Variants in TMTC2 observed in about 807,000 individuals in gnomAD.
TMTC2 encodes the protein protein O-mannosyl-transferase TMTC2.
Under a neutral mutation model 82.4 loss-of-function variants are expected in TMTC2, and 43 were observed. The ratio of observed to expected loss-of-function variants is 0.52; its 90% CI spans 0.41 to 0.67. The LOEUF (loss-of-function observed/expected upper bound fraction) is 0.67. TMTC2 is among the 30% of genes least tolerant of loss of function. TMTC2 has a pLI of 0.00. For synonymous variants in TMTC2, 408 were observed against 381.9 expected, an observed-to-expected ratio of 1.07 and a Z score of -0.80; for missense variants, 919 against 1,012.4, an observed-to-expected ratio of 0.91 and a Z score of 1.25.
At chr12:83,005,959 T>C (rs1296281451) in intron 8 of TMTC2, among the ~76,000 whole-genome samples, 4 of 152,188 alleles carry the variant, frequency 2.6e-5, no homozygotes, top group South Asian at 2.1e-4. Context: ...TATTACCATA[T>C]TTTGTTGCAG....
At chr12:82,899,846 G>A (rs1024401937) in intron 3 of TMTC2, among the ~76,000 whole-genome samples, 7 of 142,066 alleles carry the variant, frequency 4.9e-5, no homozygotes, top group East Asian at 4.1e-4. Flanking sequence ...ATACATATCC[G>A]GAATATAGAT....
chr12:82,926,449 G>A (rs765981508), intron 3 of TMTC2, among the ~76,000 whole-genome samples: 2 of 152,224 alleles, frequency 1.3e-5, no homozygotes, highest in South Asian at 4.1e-4. Context: ...GCTTCATTAG[G>A]TTGAAGGAAA....
intron 2 of TMTC2, among the ~76,000 whole-genome samples, chr12:82,858,359 C>T (rs1871363006): frequency 6.6e-6 from 1 of 152,232 alleles, no homozygotes; most frequent in South Asian, 2.1e-4. Context: ...CCCATCTCCC[C>T]ATCCTCCTTC....
At chr12:82,869,008 A>T (rs945975590) in intron 2 of TMTC2, among the ~76,000 whole-genome samples, 21 of 152,160 alleles carry the variant, frequency 1.4e-4, no homozygotes, top group African/African-American at 5.1e-4. Context: ...TTTTTACAGA[A>T]TCCTATATCT....
intron 1 of TMTC2, among the ~76,000 whole-genome samples, chr12:82,798,050 G>A (rs1211244447): frequency 6.8e-6 from 1 of 147,188 alleles, no homozygotes; most frequent in Admixed American, 6.9e-5. Flanking sequence ...CCATTCTCCT[G>A]CCTCACACCA....
At chr12:83,117,620 C>G (rs1884805068) in intron 11 of TMTC2, among the ~76,000 whole-genome samples, 1 of 152,026 alleles carries the variant, frequency 6.6e-6, no homozygotes. Context: ...TTTGCTTTGT[C>G]TTGCTTTGGC....
intron 2 of TMTC2, among the ~76,000 whole-genome samples, chr12:82,886,505 A>G (rs925939624): frequency 1.3e-5 from 2 of 152,214 alleles, no homozygotes; most frequent in Non-Finnish European, 2.9e-5. Flanking sequence ...TATGGGTTTA[A>G]GTGAACAAAA....
At chr12:82,748,764 C>T (rs1436734964) in intron 1 of TMTC2, among the ~76,000 whole-genome samples, 5 of 152,152 alleles carry the variant, frequency 3.3e-5, no homozygotes, top group Non-Finnish European at 7.3e-5. Context: ...GTAATCCCAG[C>T]TACTTGTGAG....
chr12:82,801,489 C>T (rs978457907), intron 1 of TMTC2, among the ~76,000 whole-genome samples: 29 of 152,120 alleles, frequency 1.9e-4, no homozygotes, highest in African/African-American at 7.0e-4. Context: ...CTGGCCCCAC[C>T]CACATCCTGC....
At chr12:82,802,330 C>A (rs528807408) in intron 1 of TMTC2, among the ~76,000 whole-genome samples, 268 of 152,332 alleles carry the variant, frequency 1.8e-3, no homozygotes, top group African/African-American at 6.3e-3. Flanking sequence ...GTGCCTCTCC[C>A]TCCACACCTC....
At chr12:82,775,875 C>T (rs1461008435) in intron 1 of TMTC2, among the ~76,000 whole-genome samples, 4 of 151,940 alleles carry the variant, frequency 2.6e-5, no homozygotes, top group African/African-American at 7.3e-5. Flanking sequence ...TTTTCTCTGA[C>T]ACATTTATAA....
chr12:83,101,054 T>C (rs1884200315), intron 11 of TMTC2, among the ~76,000 whole-genome samples: 2 of 152,220 alleles, frequency 1.3e-5, no homozygotes, highest in African/African-American at 4.8e-5. Flanking sequence ...CTTCACTCAA[T>C]AGAACTTGAT....
chr12:82,876,042 G>A (rs1872489344), intron 2 of TMTC2, among the ~76,000 whole-genome samples: 2 of 120,206 alleles, frequency 1.7e-5, no homozygotes, highest in African/African-American at 3.4e-5. Context: ...GGTGGTGGTG[G>A]TGGTGGTGGT....
chr12:83,055,194 A>AG (rs761992660), intron 10 of TMTC2, among the ~76,000 whole-genome samples: 9 of 151,990 alleles, frequency 5.9e-5, no homozygotes, highest in Non-Finnish European at 1.2e-4. Context: ...CATTCTCTTG[A>AG]GATTGCATCT....
In TMTC2 at chr12:83,115,751, G is replaced by A. The variant is rs192124583; in HGVS notation, c.2332-16459G>A. Among the ~76,000 whole-genome samples, 19 of 152,022 alleles carry A rather than the reference G, an allele frequency of 1.2e-4. No homozygotes were observed. In the East Asian group the frequency reaches 3.7e-3, roughly 29 times the overall value. The stretch of plus-strand genomic sequence containing the variant: ...TGAGATACTGGTGCAACCATCACCC[G>A]GGCAGTATACACTGTACCCTATTGT... On this transcript the variant is annotated intron_variant, in intron 11 of 11. Transcript: ENST00000321196.
At chr12:83,001,841 A>G (rs919935256) in intron 8 of TMTC2, among the ~76,000 whole-genome samples, 1 of 152,038 alleles carries the variant, frequency 6.6e-6, no homozygotes, top group Non-Finnish European at 1.5e-5. Flanking sequence ...CCTTAATTTC[A>G]TTATTCATAT....
chr12:83,105,573 C>A (rs998494746), intron 11 of TMTC2, among the ~76,000 whole-genome samples: 1 of 151,954 alleles, frequency 6.6e-6, no homozygotes, highest in Non-Finnish European at 1.5e-5. Context: ...GAGGTGCCAT[C>A]CACTTAAACA....
rs533846143 is a variant in TMTC2 at position 83,095,210 on chromosome 12, A to G, written c.2331+33379A>G. ...ATATGAGGGAAAGAGAAAAGCCAAA[A>G]TTTCATGGTTTTTTTTTTTGTTTTT... On this transcript the variant is annotated intron_variant, in intron 11 of 11. Transcript: ENST00000321196. Among the ~76,000 whole-genome samples, 7 of 146,608 alleles carry G rather than the reference A, an allele frequency of 4.8e-5. No homozygotes were observed. In the South Asian group the frequency reaches 1.5e-3, roughly 32 times the overall value.
intron 1 of TMTC2, among the ~76,000 whole-genome samples, chr12:82,856,749 A>C (rs1476492954): frequency 3.3e-5 from 5 of 152,168 alleles, no homozygotes; most frequent in African/African-American, 1.2e-4. Context: ...TTAAGGCTTA[A>C]ACCAGTTGAA....
Sources: allele counts gnomAD v4.1 joint callset (sites outside exome capture counted in the v4.1 genomes callset), GRCh38; gene constraint gnomAD v4.1.1; transcripts MANE v1.5; gene names NCBI Gene and HGNC (gene_info 2026-07-23, HGNC 2026-07-21).